Variants in SCARB1 observed in about 807,000 individuals in gnomAD.
The protein encoded by SCARB1 is scavenger receptor class B member 1.
A neutral mutation model predicts 57.2 loss-of-function variants in SCARB1; 30 were observed. The ratio of observed to expected loss-of-function variants is 0.52; its 90% confidence interval spans 0.39 to 0.71. The LOEUF (loss-of-function observed/expected upper bound fraction) is 0.71. SCARB1 is among the 30% of genes least tolerant of loss of function. The probability of loss-of-function intolerance (pLI) is 0.00; values close to 1 mark genes in which losing one functional copy is unlikely to be tolerated. For synonymous variants in SCARB1, 249 were observed against 268.3 expected, an observed-to-expected ratio of 0.93 and a Z score of 0.70; for missense variants, 543 against 671.2, an observed-to-expected ratio of 0.81 and a Z score of 2.11.
chr12:124,799,369 A>G (rs1330815164), intron 8 of SCARB1, among the ~76,000 whole-genome samples: 3 of 152,102 alleles, frequency 2.0e-5, no homozygotes. Flanking sequence ...TACAAAAAAT[A>G]TAAAAATTAG....
At chr12:124,862,853 G>A (rs1294329471) in intron 1 of SCARB1, among the ~76,000 whole-genome samples, 3 of 152,198 alleles carry the variant, frequency 2.0e-5, no homozygotes, top group Non-Finnish European at 2.9e-5. Flanking sequence ...TGTCTCCCTG[G>A]TTGAAAGGGC....
rs934112464 is a variant in SCARB1 at position 124,806,568 on chromosome 12, G to A, written c.1009+1193C>T. ...GACTATGTCAGGTCACAGGGTAAAC[G>A]GGCGCTGGGCCTGCTCAGCAGCTGC... On this transcript the variant is annotated intron_variant, in intron 7 of 12. Coordinates refer to ENST00000261693, the MANE Select transcript of SCARB1 (RefSeq NM_005505.5). Among the ~76,000 whole-genome samples the A allele has an allele frequency of 4.6e-5, 7 of 152,268 alleles. 1 individual carries two copies. In the South Asian group the frequency reaches 1.0e-3, roughly 23 times the overall value.
chr12:124,804,306 G>C (rs1160967336), intron 7 of SCARB1, among the ~76,000 whole-genome samples: 1 of 152,240 alleles, frequency 6.6e-6, no homozygotes, highest in East Asian at 1.9e-4. Flanking sequence ...TGAGCCTGGA[G>C]CCTCCACAGG....
chr12:124,852,865 A>AC (rs768608105), intron 1 of SCARB1, among the ~76,000 whole-genome samples: 24 of 152,106 alleles, frequency 1.6e-4, no homozygotes, highest in African/African-American at 5.3e-4. Context: ...ACATGGTGAG[A>AC]CCCCATCTCT....
At chr12:124,795,587 C>G (rs1287966481) in intron 8 of SCARB1, among the ~76,000 whole-genome samples, 1 of 152,234 alleles carries the variant, frequency 6.6e-6, no homozygotes. Flanking sequence ...AATACCTAAT[C>G]ACTTTCACCT....
In SCARB1 at chr12:124,789,113, A is replaced by T. The variant is rs838868; in HGVS notation, c.1203-1656T>A. On this transcript the variant is annotated intron_variant, in intron 9 of 12. Transcript: ENST00000261693. The surrounding 1 kb of genome is among the most constrained non-coding windows in gnomAD (Gnocchi z 4.4). ...TAAAATCCAAAGGGAGAATAAAAGT[A>T]AACTTGATACTGCAGAAACGTCACA... Among the ~76,000 whole-genome samples the T allele has an allele frequency of 0.18, 27,322 of 151,982 alleles. 4,426 individuals are homozygous for T. Among genetic ancestry groups the T allele is most frequent in the East Asian group, 0.42 (2,157 of 5,146 alleles).
chr12:124,816,091 C>A (rs1377705152), intron 2 of SCARB1, among the ~76,000 whole-genome samples: 1 of 152,288 alleles, frequency 6.6e-6, no homozygotes, highest in East Asian at 1.9e-4. Flanking sequence ...GGGCCTCTTC[C>A]CACCATGCGG....
Position 124,842,426 on chromosome 12 carries a change from C to A in SCARB1, c.126+21169G>T, listed in dbSNP as rs751906616. Reference sequence around the variant, plus strand: ...AGGGGTTCGAGGAAGCTCCTCCCCACACACCTCCCAGGGTGGAAGGGGACC... The same window carrying A: ...AGGGGTTCGAGGAAGCTCCTCCCCAAACACCTCCCAGGGTGGAAGGGGACC... On this transcript the variant is annotated intron_variant, in intron 1 of 12. Transcript: ENST00000261693. 3.3e-5 allele frequency among the ~76,000 whole-genome samples: 5 copies of A among 152,392 alleles called. No homozygotes were observed. In the South Asian group the frequency reaches 1.0e-3, roughly 32 times the overall value.
intron 1 of SCARB1, among the ~76,000 whole-genome samples, chr12:124,848,186 C>A (rs534164716): frequency 1.3e-5 from 2 of 152,180 alleles, no homozygotes; most frequent in African/African-American, 2.4e-5. Flanking sequence ...TGGGTTCAAG[C>A]GATTCTCCTG....
chr12:124,848,860 C>A (rs1248849300), intron 1 of SCARB1, among the ~76,000 whole-genome samples: 1 of 152,190 alleles, frequency 6.6e-6, no homozygotes, highest in Non-Finnish European at 1.5e-5. Context: ...TGCAGCAAAG[C>A]GTGCATAGTA....
At chr12:124,791,629 G>T (rs1949731589) in intron 9 of SCARB1, among the ~76,000 whole-genome samples, 2 of 152,158 alleles carry the variant, frequency 1.3e-5, no homozygotes, top group African/African-American at 2.4e-5. Context: ...GTCACTGAGG[G>T]GCGGTGACGA....
rs1471812551 is a variant in SCARB1, at chr12:124,778,110, C to A, written c.*477G>T. The A allele has an allele frequency of 4.2e-5, 9 of 214,362 alleles. No homozygotes were observed. In the Admixed American group the frequency reaches 5.3e-4, roughly 13 times the overall value. 13.3% of individuals were successfully genotyped at this position (214,362 alleles called of 1,614,324 possible). A position where few individuals can be genotyped will look rare whatever the true frequency, so the allele number is the denominator to read the frequency against. On this transcript the variant is annotated 3_prime_UTR_variant, in exon 13 of 13. Transcript: ENST00000261693. ...GTGGCCAGGGCCTGGGCACTGAGTC[C>A]CCACTGAATTTGGCACAGGAAGGCG... is the stretch of plus-strand genomic sequence containing the variant.
chr12:124,829,937 TC>T (rs1308212450), intron 1 of SCARB1, among the ~76,000 whole-genome samples: 1 of 152,192 alleles, frequency 6.6e-6, no homozygotes, highest in Non-Finnish European at 1.5e-5. Flanking sequence ...TGTTGATAAG[TC>T]CCCCTTCCTG....
At chr12:124,832,246 G>A (rs1030955969) in intron 1 of SCARB1, among the ~76,000 whole-genome samples, 3 of 152,156 alleles carry the variant, frequency 2.0e-5, no homozygotes, top group East Asian at 1.9e-4. Flanking sequence ...GGCCGGGCGC[G>A]GTGGCTCACA....
At chr12:124,838,148 A>C (rs1204044355) in intron 1 of SCARB1, among the ~76,000 whole-genome samples, 1 of 152,228 alleles carries the variant, frequency 6.6e-6, no homozygotes, top group Non-Finnish European at 1.5e-5. Context: ...GTCTCTGTAC[A>C]GAAAAGCATG....
Position 124,822,998 on chromosome 12 carries a change from C to T in SCARB1, c.127-5291G>A, listed in dbSNP as rs1168005644. 6.6e-6 allele frequency among the ~76,000 whole-genome samples: 1 copy of T among 152,206 alleles called. No individual in the cohort carries two copies. Among genetic ancestry groups the T allele is most frequent in the Non-Finnish European group, 1.5e-5 (1 of 68,040 alleles). ...ATTTAAAAATGAATACTATTACTAC[C>T]TTTAAAATATAATGCAATCATGTTG... On this transcript the variant is annotated intron_variant, in intron 1 of 12. Coordinates refer to ENST00000261693, the MANE Select transcript of SCARB1 (RefSeq NM_005505.5). The surrounding 1 kb of genome is among the most constrained non-coding windows in gnomAD (Gnocchi z 5.0).
At chr12:124,797,796 C>T (rs546573937) in intron 8 of SCARB1, among the ~76,000 whole-genome samples, 8 of 152,320 alleles carry the variant, frequency 5.3e-5, no homozygotes, top group South Asian at 4.1e-4. Context: ...GCCTAGTCAG[C>T]GGCTAAGGAG....
chr12:124,796,389 T>G lies in SCARB1; in HGVS notation c.1129-1121A>C, dbSNP rs547978367. On this transcript the variant is annotated intron_variant, in intron 8 of 12. Coordinates refer to ENST00000261693, the MANE Select transcript of SCARB1 (RefSeq NM_005505.5). This position sits in a 1 kb window ranked among gnomAD's most constrained non-coding sequence, Gnocchi z 4.0. ...ACAGCCATGAGCCACTATACCCAGC[T>G]CTTTTTAACGAGACTTTTTTTTTTA... 5.3e-5 allele frequency among the ~76,000 whole-genome samples: 8 copies of G among 152,150 alleles called. No homozygotes were observed. In the South Asian group the frequency reaches 1.0e-3, roughly 20 times the overall value.
At chr12:124,838,775 C>CATT (rs1951793519) in intron 1 of SCARB1, among the ~76,000 whole-genome samples, 1 of 117,302 alleles carries the variant, frequency 8.5e-6, no homozygotes, top group Non-Finnish European at 1.7e-5. Flanking sequence ...CCAACTTAGC[C>CATT]TTTTTTTTTT....
Sources: gnomAD v4.1 joint callset for allele counts (sites outside exome capture counted in the v4.1 genomes callset) on GRCh38, gnomAD v4.1.1 for gene constraint, Gnocchi (gnomAD v3.1) non-coding constraint, MANE v1.5 for transcripts, NCBI Gene and HGNC (gene_info 2026-07-23, HGNC 2026-07-21) for gene names.